The following LINGO2 variants were observed in gnomAD, a reference collection of about 807,000 sequenced individuals.
LINGO2 encodes leucine rich repeat and Ig domain containing 2, also known as leucine-rich repeat and immunoglobulin-like domain-containing nogo receptor-interacting protein 2.
A neutral mutation model predicts 30.6 loss-of-function variants in LINGO2; 14 were observed. The observed-to-expected ratio is 0.46, with a 90% CI of 0.30 to 0.72. The LOEUF (loss-of-function observed/expected upper bound fraction) is 0.72, where lower values mean the gene tolerates loss of function less well. Ranked by LOEUF, LINGO2 falls within the 30% of genes least tolerant of loss-of-function variation. LINGO2 has a pLI of 0.07. For missense variants in LINGO2, 729 were observed against 751.7 expected, an observed-to-expected ratio of 0.97 and a Z score of 0.35; for synonymous variants, 317 against 288.5, an observed-to-expected ratio of 1.10 and a Z score of -1.00.
chr9:28,638,295 C>T (rs1460924378), intron 1 of LINGO2, among the ~76,000 whole-genome samples: 2 of 152,004 alleles, frequency 1.3e-5, no homozygotes, highest in African/African-American at 4.8e-5. Context: ...TTTGTTGTGT[C>T]CCTGTCACGC....
chr9:28,564,102 C>G (rs1399945667), intron 1 of LINGO2, among the ~76,000 whole-genome samples: 3 of 152,068 alleles, frequency 2.0e-5, no homozygotes, highest in Non-Finnish European at 4.4e-5. Context: ...AGACACTTAA[C>G]ACATTGGTAA....
At chr9:27,941,392 G>C in the LINGO2 span, 1 of 152,276 alleles carries the variant, frequency 6.6e-6, no homozygotes, top group Non-Finnish European at 1.5e-5. Flanking sequence ...AGCCGAGATT[G>C]TGCCACTGTA....
Position 28,494,510 on chromosome 9 carries a change from T to C in LINGO2, c.-364-18485A>G, listed in dbSNP as rs559262263. Among the ~76,000 whole-genome samples, 7 of 152,278 alleles carry C rather than the reference T, an allele frequency of 4.6e-5. No homozygotes were observed. In the East Asian group the frequency reaches 9.7e-4, roughly 21 times the overall value. On this transcript the variant is annotated intron_variant, in intron 1 of 5. Transcript: ENST00000379992. ...GAGATAGTTTGCTGAGAATGATGGT[T>C]TCCAGCTTCATCCATGTCCCTACAA...
intron 5 of LINGO2, among the ~76,000 whole-genome samples, chr9:27,973,135 A>G (rs963253246): frequency 6.6e-6 from 1 of 152,110 alleles, no homozygotes; most frequent in South Asian, 2.1e-4. Context: ...GGCCTTCATA[A>G]TTGCATGATC....
chr9:27,973,427 C>T (rs550630779), intron 5 of LINGO2, among the ~76,000 whole-genome samples: 37 of 152,188 alleles, frequency 2.4e-4, no homozygotes, highest in African/African-American at 8.7e-4. Context: ...ACCACTCTTC[C>T]AATAGAAGAG....
chr9:28,111,987 C>T (rs1389944361), intron 4 of LINGO2, among the ~76,000 whole-genome samples: 1 of 141,862 alleles, frequency 7.0e-6, no homozygotes, highest in African/African-American at 2.6e-5. Context: ...TATACATGTG[C>T]CATGCTGGTG....
chr9:28,626,700 C>T (rs59286160), intron 1 of LINGO2, among the ~76,000 whole-genome samples: 2,911 of 151,990 alleles, frequency 0.019, 64 homozygotes, highest in African/African-American at 0.039. Context: ...TTTTTTCTCT[C>T]TCTGTTCTCC....
At chr9:28,917,326 C>A in the LINGO2 span, among the ~76,000 whole-genome samples, 3 of 152,086 alleles carry the variant, frequency 2.0e-5, no homozygotes, top group East Asian at 5.8e-4. Context: ...GGCCTGCTTT[C>A]CTCTGTTTTA....
intron 1 of LINGO2, among the ~76,000 whole-genome samples, chr9:28,566,376 G>T (rs1457254840): frequency 6.6e-6 from 1 of 152,162 alleles, no homozygotes; most frequent in Non-Finnish European, 1.5e-5. Context: ...AGTAGAATTT[G>T]CCATCAAACA....
chr9:29,153,885 G>A, the LINGO2 span, among the ~76,000 whole-genome samples: 3 of 152,220 alleles, frequency 2.0e-5, no homozygotes, highest in Admixed American at 6.5e-5. Context: ...CTGAACAAAT[G>A]TTAAACGGAT....
chr9:28,070,068 C>T (rs1036943030), intron 4 of LINGO2, among the ~76,000 whole-genome samples: 1 of 152,138 alleles, frequency 6.6e-6, no homozygotes, highest in Non-Finnish European at 1.5e-5. Context: ...TGTCACACAG[C>T]GCTCTGACCA....
chr9:28,215,796 C>T (rs1820747440), intron 4 of LINGO2, among the ~76,000 whole-genome samples: 1 of 151,768 alleles, frequency 6.6e-6, no homozygotes, highest in South Asian at 2.1e-4. Context: ...ATTATGATAT[C>T]TTTCTTGCTA....
At chr9:28,011,493 T>C (rs1822552173) in intron 5 of LINGO2, among the ~76,000 whole-genome samples, 1 of 152,188 alleles carries the variant, frequency 6.6e-6, no homozygotes, top group Admixed American at 6.5e-5. Context: ...AATTTGAATT[T>C]ATGTGATATA....
At chr9:28,676,255 A>C in the LINGO2 span, among the ~76,000 whole-genome samples, 1 of 152,044 alleles carries the variant, frequency 6.6e-6, no homozygotes, top group Non-Finnish European at 1.5e-5. Context: ...TTAAGACAGC[A>C]AATTAGCTAT....
the LINGO2 span, among the ~76,000 whole-genome samples, chr9:28,883,989 T>C: frequency 6.6e-6 from 1 of 151,876 alleles, no homozygotes; most frequent in Admixed American, 6.6e-5. Flanking sequence ...GAATATGTTA[T>C]ATTGTGTTTA....
rs182156032 is a variant in LINGO2, at chr9:27,975,137, C to T, written c.-35-24431G>A. Among the ~76,000 whole-genome samples, 52 of 152,082 alleles carry T rather than the reference C, an allele frequency of 3.4e-4. No homozygotes were observed. In the East Asian group the frequency reaches 7.7e-3, roughly 23 times the overall value. ...ACTGTGTAGAAATAAATATTTAGAT[C>T]TTTAATAGCAAAGGGATGAGAGATA... On this transcript the variant is annotated intron_variant, in intron 5 of 5. Coordinates refer to ENST00000379992, the Ensembl canonical transcript of LINGO2.
At chr9:28,875,973 C>T in the LINGO2 span, among the ~76,000 whole-genome samples, 1 of 152,050 alleles carries the variant, frequency 6.6e-6, no homozygotes, top group Non-Finnish European at 1.5e-5. Flanking sequence ...CTGGCTCTGA[C>T]ATTTCATGTT....
At chr9:28,371,608 A>G (rs1384532950) in intron 3 of LINGO2, among the ~76,000 whole-genome samples, 1 of 152,100 alleles carries the variant, frequency 6.6e-6, no homozygotes, top group Non-Finnish European at 1.5e-5. Flanking sequence ...GAGAGGATAA[A>G]AACATTCAGG....
At chr9:29,116,175 T>A in the LINGO2 span, among the ~76,000 whole-genome samples, 1 of 143,680 alleles carries the variant, frequency 7.0e-6, no homozygotes, top group Admixed American at 7.1e-5. Flanking sequence ...AAGAGATTAA[T>A]ACAAAACATA....
Sources: allele counts gnomAD v4.1 joint callset (sites outside exome capture counted in the v4.1 genomes callset), GRCh38; gene constraint gnomAD v4.1.1; transcripts MANE v1.5; gene names NCBI Gene and HGNC (gene_info 2026-07-23, HGNC 2026-07-21).